The following SKAP1 variants were observed in gnomAD, a reference collection of about 807,000 sequenced individuals.
SKAP1 encodes the protein src kinase associated phosphoprotein 1, also known as src kinase-associated phosphoprotein 1.
In SKAP1, 44 loss-of-function variants were observed where a neutral mutation model predicts 58.5. The ratio of observed to expected loss-of-function variants is 0.75; its 90% confidence interval spans 0.59 to 0.97. SKAP1 has a LOEUF of 0.97. Among genes scored for constraint, SKAP1 ranks in the 50% least tolerant of loss-of-function variants. SKAP1 has a pLI of 0.00. For missense variants in SKAP1, 390 were observed against 435.2 expected (o/e 0.90, Z 0.92); for synonymous variants, 127 against 149.7 (o/e 0.85, Z 1.11).
In SKAP1 at chr17:48,263,133, AT is replaced by A. The variant is rs538312423; in HGVS notation, c.281-73634del. ...CTTAAAAACATTTAAATTTTACTTA[AT>A]ACTGACTTTTAGGTTGATTCTTCAG... On this transcript the variant is annotated intron_variant, in intron 4 of 12. Transcript: ENST00000336915. Among the ~76,000 whole-genome samples, 532 of 152,322 alleles carry A rather than the reference AT, an allele frequency of 3.5e-3. 2 individuals are homozygous for A. Among genetic ancestry groups the A allele is most frequent in the Admixed American group, 6.0e-3 (92 of 15,300 alleles).
chr17:48,362,390 A>G (rs2066948335), intron 3 of SKAP1, among the ~76,000 whole-genome samples: 1 of 152,118 alleles, frequency 6.6e-6, no homozygotes, highest in Non-Finnish European at 1.5e-5. Context: ...AATTAATTCT[A>G]CCCTCACAGT....
intron 2 of SKAP1, among the ~76,000 whole-genome samples, chr17:48,380,882 G>A (rs1431699614): frequency 1.3e-5 from 2 of 152,154 alleles, no homozygotes; most frequent in East Asian, 3.8e-4. Context: ...TTAATTTTCA[G>A]ACCAATCATA....
intron 4 of SKAP1, among the ~76,000 whole-genome samples, chr17:48,329,957 ATGTC>A (rs1419705148): frequency 1.3e-5 from 2 of 152,198 alleles, no homozygotes; most frequent in Non-Finnish European, 2.9e-5. Context: ...TGTAAATACT[ATGTC>A]TGGCATGTGG....
chr17:48,238,051 T>C (rs1159462048), intron 4 of SKAP1, among the ~76,000 whole-genome samples: 32 of 152,112 alleles, frequency 2.1e-4, no homozygotes, highest in Admixed American at 2.1e-3. Context: ...TGGAGTGCAG[T>C]GGCATGATCT....
intron 3 of SKAP1, among the ~76,000 whole-genome samples, chr17:48,356,744 C>T (rs1437296785): frequency 6.6e-6 from 1 of 152,096 alleles, no homozygotes; most frequent in Non-Finnish European, 1.5e-5. Context: ...ATAATACATG[C>T]ACATGGTGAA....
intron 2 of SKAP1, among the ~76,000 whole-genome samples, chr17:48,376,372 C>T (rs2067151035): frequency 6.6e-6 from 1 of 152,142 alleles, no homozygotes; most frequent in Non-Finnish European, 1.5e-5. Flanking sequence ...TAAAAGTCCA[C>T]ACTGTGGGGC....
chr17:48,429,502 G>A (rs1256490233), intron 1 of SKAP1, among the ~76,000 whole-genome samples: 1 of 152,218 alleles, frequency 6.6e-6, no homozygotes, highest in Non-Finnish European at 1.5e-5. Flanking sequence ...CTGAGAATGA[G>A]CCTGCCTTGG....
At chr17:48,301,621 C>T (rs945094888) in intron 4 of SKAP1, among the ~76,000 whole-genome samples, 2 of 152,078 alleles carry the variant, frequency 1.3e-5, no homozygotes, top group African/African-American at 2.4e-5. Flanking sequence ...GGATTACAGG[C>T]ACCCACCACC....
At chr17:48,325,525 C>T (rs1391171000) in intron 4 of SKAP1, among the ~76,000 whole-genome samples, 1 of 152,134 alleles carries the variant, frequency 6.6e-6, no homozygotes, top group Non-Finnish European at 1.5e-5. Context: ...ATGTCTGACA[C>T]ACAACAGGCA....
Position 48,369,697 on chromosome 17 carries a change from C to T in SKAP1, c.153-5883G>A, listed in dbSNP as rs181648551. On this transcript the variant is annotated intron_variant, in intron 2 of 12. Coordinates refer to ENST00000336915, the MANE Select transcript of SKAP1 (RefSeq NM_003726.4). ...TTTCTTACATTAACCCATTTCCTCA[C>T]ACTCTAACCCTATTATTATGCCCAT... Among the ~76,000 whole-genome samples the T allele has an allele frequency of 2.9e-3, 441 of 152,214 alleles. 2 individuals carry two copies. The highest frequency in any genetic ancestry group is 4.3e-3 in the Non-Finnish European group (291 of 68,016).
intron 4 of SKAP1, among the ~76,000 whole-genome samples, chr17:48,272,819 A>G (rs570742166): frequency 7.7e-4 from 117 of 152,316 alleles, no homozygotes; most frequent in African/African-American, 2.7e-3. Flanking sequence ...GGCCTCCCAA[A>G]GTACTGGGAT....
In SKAP1 at chr17:48,245,861, G is replaced by C. The variant is rs576997920; in HGVS notation, c.281-56361C>G. Among the ~76,000 whole-genome samples the C allele has an allele frequency of 1.3e-4, 20 of 152,248 alleles. No individual in the cohort carries two copies. In the South Asian group the frequency reaches 4.1e-3, roughly 32 times the overall value. On this transcript the variant is annotated intron_variant, in intron 4 of 12. Coordinates refer to ENST00000336915, the MANE Select transcript of SKAP1 (RefSeq NM_003726.4). ...GTAGTGGTGCATGCCTGTAATCCCA[G>C]CTACTCAAGAGGCTGAGGCAGGATA...
At chr17:48,226,195 C>T (rs973791537) in intron 4 of SKAP1, among the ~76,000 whole-genome samples, 5 of 152,146 alleles carry the variant, frequency 3.3e-5, no homozygotes, top group Admixed American at 6.5e-5. Context: ...GTGTGAAATC[C>T]GTGGTCTCTC....
At chr17:48,423,844 C>T (rs2067823377) in intron 1 of SKAP1, among the ~76,000 whole-genome samples, 1 of 152,062 alleles carries the variant, frequency 6.6e-6, no homozygotes, top group African/African-American at 2.4e-5. Flanking sequence ...GCAGCCTCAA[C>T]CTTCTGGGCT....
chr17:48,439,459 T>C, the SKAP1 span, among the ~76,000 whole-genome samples: 1 of 152,230 alleles, frequency 6.6e-6, no homozygotes, highest in Non-Finnish European at 1.5e-5. Context: ...CATTCAATGG[T>C]GTGGAAATAA....
intron 1 of SKAP1, among the ~76,000 whole-genome samples, chr17:48,397,488 A>G (rs916426797): frequency 6.6e-6 from 1 of 152,186 alleles, no homozygotes; most frequent in African/African-American, 2.4e-5. Flanking sequence ...GGCCTCCCCA[A>G]CTGCTGGGAT....
At chr17:48,345,139 G>C (rs2144326031) in intron 4 of SKAP1, among the ~76,000 whole-genome samples, 1 of 152,324 alleles carries the variant, frequency 6.6e-6, no homozygotes, top group Non-Finnish European at 1.5e-5. Context: ...CCACATGACA[G>C]AAGAGGCACA....
At chr17:48,175,056 C>A (rs1301252855) in intron 9 of SKAP1, among the ~76,000 whole-genome samples, 1 of 152,110 alleles carries the variant, frequency 6.6e-6, no homozygotes, top group Non-Finnish European at 1.5e-5. Context: ...ATGTCAGGGA[C>A]ACTAATGAGA....
chr17:48,328,092 T>A (rs1260726685), intron 4 of SKAP1, among the ~76,000 whole-genome samples: 1 of 152,182 alleles, frequency 6.6e-6, no homozygotes, highest in Non-Finnish European at 1.5e-5. Context: ...CTGGCTTTCA[T>A]CTGGGTTCCA....
Sources: gnomAD v4.1 joint callset for allele counts (sites outside exome capture counted in the v4.1 genomes callset) on GRCh38, gnomAD v4.1.1 for gene constraint, MANE v1.5 for transcripts, NCBI Gene and HGNC (gene_info 2026-07-23, HGNC 2026-07-21) for gene names.